The following BMPR2 variants were observed in gnomAD, a reference collection of about 807,000 sequenced individuals.
BMPR2 encodes bone morphogenetic protein receptor type-2.
In BMPR2, 29 loss-of-function variants were observed where a neutral mutation model predicts 100.8. The ratio of observed to expected loss-of-function variants is 0.29; its 90% CI spans 0.21 to 0.39. The LOEUF (loss-of-function observed/expected upper bound fraction) is 0.39, where lower values mean the gene tolerates loss of function less well. BMPR2 is among the 10% of genes least tolerant of loss of function. The probability of loss-of-function intolerance (pLI) is 1.00; values close to 1 mark genes in which losing one functional copy is unlikely to be tolerated. For synonymous variants in BMPR2, 382 were observed against 442.3 expected (o/e 0.86, Z 1.71); for missense variants, 1,011 against 1,274.5 (o/e 0.79, Z 3.15).
At chr2:202,458,192 A>G (rs1238452171) in intron 1 of BMPR2, among the ~76,000 whole-genome samples, 1 of 148,888 alleles carries the variant, frequency 6.7e-6, no homozygotes, top group African/African-American at 2.5e-5. Flanking sequence ...CACTCCTGCA[A>G]TCCCAGCACT....
At chr2:202,454,097 G>A (rs972698285) in intron 1 of BMPR2, among the ~76,000 whole-genome samples, 1 of 151,736 alleles carries the variant, frequency 6.6e-6, no homozygotes, top group African/African-American at 2.4e-5. Flanking sequence ...TTTGAGACAG[G>A]GTCTCACTGT....
At chr2:202,488,353 A>AT (rs1267140460) in intron 3 of BMPR2, among the ~76,000 whole-genome samples, 1 of 152,180 alleles carries the variant, frequency 6.6e-6, no homozygotes, top group Non-Finnish European at 1.5e-5. Flanking sequence ...AGGTGTTTAT[A>AT]TGTATATTCT....
At chr2:202,457,404 T>A (rs1255723083) in intron 1 of BMPR2, among the ~76,000 whole-genome samples, 1 of 151,734 alleles carries the variant, frequency 6.6e-6, no homozygotes, top group African/African-American at 2.4e-5. Context: ...ATGACTATTA[T>A]CTATTTCTAG....
rs111523279 is a variant in BMPR2 at position 202,471,912 on chromosome 2, T to TTGTGTGTG, written c.418+4243_418+4250dup. ...TACTGTGTATTGGTTCAAAAAAAGA[T>TTGTGTGTG]TGTGTGTGTGTGTGTGTGTGTGTGT... On this transcript the variant is annotated intron_variant, in intron 3 of 12. Coordinates refer to ENST00000374580, the MANE Select transcript of BMPR2 (RefSeq NM_001204.7). Among the ~76,000 whole-genome samples the TTGTGTGTG allele has an allele frequency of 5.0e-3, 746 of 147,844 alleles. 9 individuals carry two copies. Among genetic ancestry groups the TTGTGTGTG allele is most frequent in the African/African-American group, 0.018 (710 of 40,388 alleles).
At chr2:202,392,245 T>A (rs543057290) in intron 1 of BMPR2, among the ~76,000 whole-genome samples, 1 of 151,926 alleles carries the variant, frequency 6.6e-6, no homozygotes, top group African/African-American at 2.4e-5. Context: ...GGTTTTTGTA[T>A]TTTTTAGTAG....
rs555985055 is a variant in BMPR2 at position 202,386,825 on chromosome 2, C to T, written c.76+9275C>T. Among the ~76,000 whole-genome samples the T allele has an allele frequency of 3.1e-4, 47 of 152,156 alleles. 1 individual carries two copies. Among genetic ancestry groups the T allele is most frequent in the African/African-American group, 1.1e-3 (44 of 41,520 alleles). On this transcript the variant is annotated intron_variant, in intron 1 of 12. Transcript: ENST00000374580. ...CCTCCCGAGTAGATGGGATTACAGGCGCGTGCCACCACGCCCGGCTAAATT... is the reference window on the plus strand; with the variant it reads ...CCTCCCGAGTAGATGGGATTACAGGTGCGTGCCACCACGCCCGGCTAAATT...
intron 1 of BMPR2, among the ~76,000 whole-genome samples, chr2:202,379,930 T>G (rs1690240427): frequency 6.6e-6 from 1 of 152,120 alleles, no homozygotes; most frequent in Non-Finnish European, 1.5e-5. Flanking sequence ...CGACCCTGGC[T>G]CACCACAACT....
At chr2:202,484,303 A>G (rs1174939453) in intron 3 of BMPR2, among the ~76,000 whole-genome samples, 3 of 152,110 alleles carry the variant, frequency 2.0e-5, no homozygotes, top group African/African-American at 7.2e-5. Flanking sequence ...TTGTGTTATA[A>G]TATGCTGTTC....
rs561981603 is a variant in BMPR2 at position 202,560,004 on chromosome 2, A to T, written c.*58A>T. 1 of 1,604,342 alleles carries T rather than the reference A, an allele frequency of 6.2e-7. No homozygotes were observed. The highest frequency in any genetic ancestry group is 1.3e-5 in the African/African-American group (1 of 74,558). On this transcript the variant is annotated 3_prime_UTR_variant, in exon 13 of 13. Transcript: ENST00000374580. ...TTTGCATCATTTAAACATGCAGAAG[A>T]TGTTTAAAAATAAAAAAAAAACTGC...
At chr2:202,542,584 TG>T in intron 10 of BMPR2, 137 bp downstream of exon 10, 1 of 1,148,004 alleles carries the variant, frequency 8.7e-7, no homozygotes, top group Non-Finnish European at 1.2e-6. Flanking sequence ...TTGATTTTTA[TG>T]ATGTTTTCAA....
At chr2:202,547,451 G>A (rs1340609364) in intron 10 of BMPR2, among the ~76,000 whole-genome samples, 1 of 152,040 alleles carries the variant, frequency 6.6e-6, no homozygotes, top group Non-Finnish European at 1.5e-5. Context: ...ATAACCTCTT[G>A]TAATCAATGG....
chr2:202,480,948 C>T (rs1692647214), intron 3 of BMPR2, among the ~76,000 whole-genome samples: 1 of 118,422 alleles, frequency 8.4e-6, no homozygotes, highest in Non-Finnish European at 1.6e-5. Flanking sequence ...GACCGAGACT[C>T]CGTCTAAAAA....
intron 1 of BMPR2, among the ~76,000 whole-genome samples, chr2:202,449,825 C>T (rs1475349715): frequency 2.6e-5 from 4 of 151,986 alleles, no homozygotes; most frequent in Non-Finnish European, 5.9e-5. Context: ...AGGCTGGGTG[C>T]GGTGGCTCAC....
In BMPR2 at chr2:202,532,864, A is replaced by G. The variant is rs993215507; in HGVS notation, c.1276+132A>G. ...TCATTTAAACCTTTAGTTCATTGCT[A>G]TCTAGTGTTTAGAAACATTATTAGC... On this transcript the variant is annotated intron_variant, in intron 9 of 12. Coordinates refer to ENST00000374580, the MANE Select transcript of BMPR2 (RefSeq NM_001204.7). The surrounding 1 kb of genome is among the most constrained non-coding windows in gnomAD (Gnocchi z 4.1). The G allele has an allele frequency of 1.3e-5, 15 of 1,116,832 alleles. No homozygotes were observed. Among genetic ancestry groups the G allele is most frequent in the South Asian group, 1.1e-4 (7 of 66,074 alleles). The allele number at this position is 1,116,832 out of a possible 1,614,324, so 69.2% of individuals were successfully genotyped here. A position where few individuals can be genotyped will look rare whatever the true frequency, so the allele number is the denominator to read the frequency against.
chr2:202,389,540 A>AG (rs1237806566), intron 1 of BMPR2, among the ~76,000 whole-genome samples: 45 of 151,766 alleles, frequency 3.0e-4, no homozygotes, highest in African/African-American at 1.1e-3. Context: ...AAAAAAAAAA[A>AG]AAAAAGACTT....
intron 1 of BMPR2, among the ~76,000 whole-genome samples, chr2:202,464,497 T>A (rs997984295): frequency 1.3e-5 from 2 of 152,182 alleles, no homozygotes; most frequent in Non-Finnish European, 2.9e-5. Flanking sequence ...AACATGGACA[T>A]TTTCTTTGAT....
intron 1 of BMPR2, among the ~76,000 whole-genome samples, chr2:202,385,707 A>G (rs1690414467): frequency 1.6e-5 from 2 of 127,408 alleles, no homozygotes; most frequent in South Asian, 5.1e-4. Context: ...TTGTGATTTT[A>G]TAATATCTAT....
chr2:202,484,081 T>C (rs1195241584), intron 3 of BMPR2, among the ~76,000 whole-genome samples: 7 of 152,230 alleles, frequency 4.6e-5, no homozygotes, highest in Non-Finnish European at 1.0e-4. Context: ...TATCTTACTC[T>C]ATATAACTAA....
chr2:202,448,678 G>A (rs1461441919), intron 1 of BMPR2, among the ~76,000 whole-genome samples: 2 of 151,148 alleles, frequency 1.3e-5, no homozygotes, highest in African/African-American at 4.9e-5. Context: ...GGATGGTCTC[G>A]ATCTCCTGAC....
Sources: gnomAD v4.1 joint callset for allele counts (sites outside exome capture counted in the v4.1 genomes callset) on GRCh38, gnomAD v4.1.1 for gene constraint, Gnocchi (gnomAD v3.1) non-coding constraint, MANE v1.5 for transcripts, NCBI Gene and HGNC (gene_info 2026-07-23, HGNC 2026-07-21) for gene names.